The following MDGA2 variants were observed in gnomAD, a reference collection of about 807,000 sequenced individuals.
The protein encoded by MDGA2 is MAM domain-containing glycosylphosphatidylinositol anchor protein 2.
Under a neutral mutation model 117.8 loss-of-function variants are expected in MDGA2, and 40 were observed. The ratio of observed to expected loss-of-function variants is 0.34; its 90% CI spans 0.26 to 0.44. The LOEUF (loss-of-function observed/expected upper bound fraction) is 0.44, where lower values mean the gene tolerates loss of function less well. MDGA2 is among the 20% of genes least tolerant of loss of function. MDGA2 has a pLI of 1.00. For synonymous variants in MDGA2, 452 were observed against 439.0 expected (o/e 1.03, Z -0.37); for missense variants, 1,123 against 1,250.6 (o/e 0.90, Z 1.54).
intron 5 of MDGA2, among the ~76,000 whole-genome samples, chr14:47,125,846 T>TA (rs199976389): frequency 0.028 from 4,323 of 152,054 alleles, 85 homozygotes; most frequent in Non-Finnish European, 0.046. Flanking sequence ...CTCAAGCAGG[T>TA]AAAAAATATG....
intron 8 of MDGA2, among the ~76,000 whole-genome samples, chr14:46,977,880 T>A (rs1886526589): frequency 6.6e-6 from 1 of 151,788 alleles, no homozygotes; most frequent in Non-Finnish European, 1.5e-5. Flanking sequence ...AGGCTCATCT[T>A]AGGCCAAAAA....
intron 1 of MDGA2, among the ~76,000 whole-genome samples, chr14:47,423,960 G>T (rs553502270): frequency 4.1e-4 from 63 of 152,152 alleles, no homozygotes; most frequent in Admixed American, 1.7e-3. Flanking sequence ...TTACAGGCGT[G>T]AGCCACCATA....
chr14:46,851,140 TTCTAAG>T (rs1881040547), intron 15 of MDGA2, among the ~76,000 whole-genome samples: 1 of 151,852 alleles, frequency 6.6e-6, no homozygotes, highest in Non-Finnish European at 1.5e-5. Context: ...CAAAACCTGT[TTCTAAG>T]TCTTTAAATG....
In MDGA2 at chr14:46,957,629, C is replaced by G; in HGVS notation, c.1834G>C (p.Glu612Gln). The G allele has an allele frequency of 1.2e-6, 2 of 1,614,056 alleles. No homozygotes were observed. The change falls in exon 9 of 17, where the codon GAA (glutamate) becomes CAA (glutamine). Residue 612 changes from glutamate (E) to glutamine (Q), a missense_variant. Physicochemically the swap from Glu to Gln is conservative, Grantham distance 29. Coordinates refer to ENST00000399232, the MANE Select transcript of MDGA2 (RefSeq NM_001113498.3). ...QLIVQYPPAV[E>Q]PAFLEIRQGQ... ...TGCCGGATTTCCAAGAATGCTGGTT[C>G]CACTGCAGGGGGATCTGTAGAAAAG...
intron 2 of MDGA2, among the ~76,000 whole-genome samples, chr14:47,292,258 T>C (rs575905718): frequency 6.6e-6 from 1 of 152,344 alleles, no homozygotes; most frequent in Non-Finnish European, 1.5e-5. Flanking sequence ...GTGTTACTGA[T>C]GATTTCATAC....
At chr14:47,021,953 TTTA>T (rs1329228490) in intron 8 of MDGA2, among the ~76,000 whole-genome samples, 1 of 152,194 alleles carries the variant, frequency 6.6e-6, no homozygotes, top group African/African-American at 2.4e-5. Context: ...CATTTTATTA[TTTA>T]TTATTATTTT....
intron 1 of MDGA2, among the ~76,000 whole-genome samples, chr14:47,669,263 A>G (rs1317002733): frequency 6.6e-6 from 1 of 152,238 alleles, no homozygotes; most frequent in East Asian, 1.9e-4. Context: ...ACCAGAGATA[A>G]TAAGATTAAG....
At chr14:47,298,890 G>T (rs1411431601) in intron 2 of MDGA2, among the ~76,000 whole-genome samples, 1 of 151,804 alleles carries the variant, frequency 6.6e-6, no homozygotes, top group Non-Finnish European at 1.5e-5. Context: ...GTTTCACCAC[G>T]TTAGCCAGGA....
chr14:47,005,886 C>A (rs995697358), intron 8 of MDGA2, among the ~76,000 whole-genome samples: 1 of 151,404 alleles, frequency 6.6e-6, no homozygotes, highest in Non-Finnish European at 1.5e-5. Flanking sequence ...TAAAACTATG[C>A]AAATCTATTG....
At chr14:47,371,917 T>C (rs1211788883) in intron 1 of MDGA2, among the ~76,000 whole-genome samples, 3 of 151,776 alleles carry the variant, frequency 2.0e-5, no homozygotes, top group Admixed American at 6.6e-5. Flanking sequence ...AGAAAACATT[T>C]ACAACATATA....
chr14:47,108,130 C>A (rs527900590), intron 5 of MDGA2, among the ~76,000 whole-genome samples: 79 of 151,972 alleles, frequency 5.2e-4, no homozygotes, highest in African/African-American at 1.9e-3. Flanking sequence ...CAAGCTCAGC[C>A]ACCAACTTAA....
intron 2 of MDGA2, among the ~76,000 whole-genome samples, chr14:47,261,707 A>T (rs931835590): frequency 6.6e-6 from 1 of 152,104 alleles, no homozygotes; most frequent in East Asian, 1.9e-4. Flanking sequence ...GTTCTGTTGC[A>T]TATGTTTAAG....
intron 4 of MDGA2, among the ~76,000 whole-genome samples, chr14:47,136,830 T>C (rs1389883227): frequency 1.3e-5 from 2 of 152,146 alleles, no homozygotes; most frequent in African/African-American, 4.8e-5. Flanking sequence ...TTGACTCTAA[T>C]GGTAGTAATA....
intron 8 of MDGA2, among the ~76,000 whole-genome samples, chr14:47,010,514 A>G (rs1887862215): frequency 6.6e-6 from 1 of 152,056 alleles, no homozygotes; most frequent in Non-Finnish European, 1.5e-5. Context: ...TATGCCTATT[A>G]TAAAACTGAT....
At chr14:47,231,779 G>A (rs1166212692) in intron 2 of MDGA2, among the ~76,000 whole-genome samples, 3 of 150,784 alleles carry the variant, frequency 2.0e-5, no homozygotes, top group Admixed American at 6.6e-5. Flanking sequence ...AGAAGATGGA[G>A]AATTCAAAAG....
rs114259629 is a variant in MDGA2, at chr14:47,290,692, T to C, written c.420+10719A>G. ...AAGATACTAGGGTCACATGTATGGATACACTCCTCATTGAGCTTGAAAATT... is the reference window on the plus strand; with the variant it reads ...AAGATACTAGGGTCACATGTATGGACACACTCCTCATTGAGCTTGAAAATT... On this transcript the variant is annotated intron_variant, in intron 2 of 16. Coordinates refer to ENST00000399232, the MANE Select transcript of MDGA2 (RefSeq NM_001113498.3). Among the ~76,000 whole-genome samples the C allele has an allele frequency of 2.4e-3, 370 of 152,048 alleles. 2 individuals carry two copies. The highest frequency in any genetic ancestry group is 8.6e-3 in the African/African-American group (357 of 41,464).
intron 1 of MDGA2, among the ~76,000 whole-genome samples, chr14:47,635,101 A>C (rs567833239): frequency 1.3e-5 from 2 of 152,190 alleles, no homozygotes; most frequent in African/African-American, 4.8e-5. Context: ...TAGATCAGTA[A>C]ATGGCAGGTG....
intron 1 of MDGA2, among the ~76,000 whole-genome samples, chr14:47,350,208 T>C (rs1213261899): frequency 6.6e-6 from 1 of 152,194 alleles, no homozygotes; most frequent in East Asian, 1.9e-4. Flanking sequence ...CTTTATACCA[T>C]GATCTGCAAC....
At chr14:47,486,919 A>T (rs965248619) in intron 1 of MDGA2, among the ~76,000 whole-genome samples, 5 of 152,174 alleles carry the variant, frequency 3.3e-5, no homozygotes, top group African/African-American at 1.2e-4. Flanking sequence ...GCAGCGTGAA[A>T]AAAGACTAAT....
Sources: allele counts gnomAD v4.1 joint callset (sites outside exome capture counted in the v4.1 genomes callset), GRCh38; gene constraint gnomAD v4.1.1; transcripts MANE v1.5; gene names NCBI Gene and HGNC (gene_info 2026-07-23, HGNC 2026-07-21).